Variants in P3H2 observed in about 807,000 individuals in gnomAD.
The protein encoded by P3H2 is prolyl 3-hydroxylase 2, also known as leprecan-like 1.
P3H2 carries 80 observed loss-of-function variants against 87.0 expected under a neutral mutation model. The observed-to-expected ratio is 0.92, with a 90% CI of 0.77 to 1.11. The LOEUF (loss-of-function observed/expected upper bound fraction) is 1.11, where lower values mean the gene tolerates loss of function less well. Ranked by LOEUF, P3H2 falls within the 50% of genes least tolerant of loss-of-function variation. The probability of loss-of-function intolerance (pLI) is 0.00; values close to 1 mark genes in which losing one functional copy is unlikely to be tolerated. For missense variants in P3H2, 1,001 were observed against 923.9 expected (o/e 1.08, Z -1.08); for synonymous variants, 367 against 359.3 (o/e 1.02, Z -0.24).
At position 189,974,170 on chromosome 3, in the gene P3H2, C is replaced by A. The variant is rs1723275021; in HGVS notation, c.1453-166G>T. On this transcript the variant is annotated intron_variant, in intron 9 of 14. Transcript: ENST00000319332. ...CTATTCTTTTAATTAAAAGAGATAT[C>A]TTTATTTAATCTTCATTCTACATTT... 8 of 640,794 alleles carry A rather than the reference C, an allele frequency of 1.2e-5. No homozygotes were observed. In the South Asian group the frequency reaches 1.5e-4, roughly 12 times the overall value. The allele number at this position is 640,794 out of a possible 1,614,324, so 39.7% of individuals were successfully genotyped here. A position where few individuals can be genotyped will look rare whatever the true frequency, so the allele number is the denominator to read the frequency against.
At chr3:190,006,975 T>C (rs929150463) in intron 1 of P3H2, among the ~76,000 whole-genome samples, 3 of 152,194 alleles carry the variant, frequency 2.0e-5, no homozygotes, top group Non-Finnish European at 4.4e-5. Context: ...CTATGCATTA[T>C]CTATATGTGC....
chr3:189,984,608 A>C lies in P3H2; in HGVS notation c.1189-18T>G, dbSNP rs760758403. The C allele has an allele frequency of 1.4e-5, 15 of 1,048,150 alleles. No homozygotes were observed. Among genetic ancestry groups the C allele is most frequent in the Admixed American group, 3.6e-5 (1 of 28,030 alleles). 64.9% of individuals were successfully genotyped at this position (1,048,150 alleles called of 1,614,324 possible). A position where few individuals can be genotyped will look rare whatever the true frequency, so the allele number is the denominator to read the frequency against. ...CAATAATTCTGTTTTGAATCGAGTA[A>C]AAAAAAAAATGCAGTAATTTTGTCA... On this transcript the variant is annotated intron_variant, in intron 6 of 14. Transcript: ENST00000319332.
chr3:190,022,547 T>C (rs1317718484), intron 1 of P3H2, among the ~76,000 whole-genome samples: 1 of 135,048 alleles, frequency 7.4e-6, no homozygotes, highest in Middle Eastern at 3.4e-3. Context: ...TAACATATTA[T>C]CCTCCAAGAA....
At chr3:190,036,543 A>T (rs1163869193) in intron 1 of P3H2, among the ~76,000 whole-genome samples, 6 of 151,860 alleles carry the variant, frequency 4.0e-5, no homozygotes, top group African/African-American at 9.7e-5. Context: ...TCTCCATTTT[A>T]AAAAAAATTA....
At chr3:190,008,271 A>G (rs942946205) in intron 1 of P3H2, among the ~76,000 whole-genome samples, 4 of 152,094 alleles carry the variant, frequency 2.6e-5, no homozygotes, top group Non-Finnish European at 5.9e-5. Context: ...CTTCTTCAGC[A>G]GGGAAATTAA....
chr3:189,980,844 G>A (rs1723511113), intron 8 of P3H2, among the ~76,000 whole-genome samples: 1 of 152,136 alleles, frequency 6.6e-6, no homozygotes, highest in South Asian at 2.1e-4. Context: ...TTAGGGTAGG[G>A]CCCCTAAAAA....
rs1724933117 is a variant in P3H2, at chr3:190,021,784, G to A, written c.481-26342C>T. ...GTGCCAGGCATAATGCTAGGTACTG[G>A]TGATCTGAGTGTTTAAAAAATAAGC... On this transcript the variant is annotated intron_variant, in intron 1 of 14. Coordinates refer to ENST00000319332, the MANE Select transcript of P3H2 (RefSeq NM_018192.4). 1.5e-5 allele frequency among the ~76,000 whole-genome samples: 2 copies of A among 134,356 alleles called. 1 individual carries two copies. The highest frequency in any genetic ancestry group is 3.3e-5 in the Non-Finnish European group (2 of 60,246). The allele number at this position is 134,356 out of a possible 152,430, so 88.1% of individuals were successfully genotyped here. A position where few individuals can be genotyped will look rare whatever the true frequency, so the allele number is the denominator to read the frequency against.
chr3:190,027,624 CTT>C (rs539796963), intron 1 of P3H2, among the ~76,000 whole-genome samples: 62 of 136,714 alleles, frequency 4.5e-4, no homozygotes, highest in Middle Eastern at 3.9e-3. Flanking sequence ...CGGTTTTTAC[CTT>C]TTTTTTTTTT....
rs186562341 is a variant in P3H2, at chr3:189,988,888, C to T, written c.955+19G>A. 516 of 1,613,780 alleles carry T rather than the reference C, an allele frequency of 3.2e-4. 3 individuals carry two copies. In the Admixed American group the frequency reaches 7.5e-3, roughly 23 times the overall value. The stretch of plus-strand genomic sequence containing the variant: ...ACCACAACCCCCCAAGAAGTCTTCA[C>T]GGATGATCCACGCTTTACCTCGATA... On this transcript the variant is annotated intron_variant, in intron 4 of 14. Coordinates refer to ENST00000319332, the MANE Select transcript of P3H2 (RefSeq NM_018192.4).
intron 1 of P3H2, among the ~76,000 whole-genome samples, chr3:190,003,850 C>T (rs1724295940): frequency 6.6e-6 from 1 of 152,106 alleles, no homozygotes. Context: ...TAATGGTTAC[C>T]GAAAAGCAGT....
intron 1 of P3H2, among the ~76,000 whole-genome samples, chr3:190,102,707 A>G (rs1191996864): frequency 6.6e-6 from 1 of 152,252 alleles, no homozygotes; most frequent in Non-Finnish European, 1.5e-5. Flanking sequence ...AGCTTAGTTG[A>G]TAAAGCAGTG....
chr3:190,071,945 T>C (rs962585961), intron 1 of P3H2, among the ~76,000 whole-genome samples: 1 of 147,246 alleles, frequency 6.8e-6, no homozygotes, highest in African/African-American at 2.5e-5. Flanking sequence ...TTTATACTGA[T>C]AATAAAAAAT....
At chr3:190,034,678 G>C (rs933195545) in intron 1 of P3H2, among the ~76,000 whole-genome samples, 8 of 152,216 alleles carry the variant, frequency 5.3e-5, no homozygotes, top group Admixed American at 4.6e-4. Context: ...GGGTGGTGAC[G>C]TAACTGCTCT....
At chr3:190,000,122 T>C (rs1724165512) in intron 1 of P3H2, among the ~76,000 whole-genome samples, 1 of 152,182 alleles carries the variant, frequency 6.6e-6, no homozygotes, top group African/African-American at 2.4e-5. Context: ...AGAAAACAGA[T>C]TTCAGACACT....
rs1274404746 is a variant in P3H2, at chr3:189,972,983, C to CA, written c.1589dup (p.Phe531ValfsTer3). 6.2e-7 allele frequency: 1 copy of CA among 1,613,104 alleles called. No homozygotes were observed. The highest frequency in any genetic ancestry group is 8.5e-7 in the Non-Finnish European group (1 of 1,179,772). ...GAGCCTTTTCGCTGATGTCATAAAACAGACGAGCGCTCTTCAGTGGGACTC... is the reference window on the plus strand; with the variant it reads ...GAGCCTTTTCGCTGATGTCATAAAACAAGACGAGCGCTCTTCAGTGGGACTC... On this transcript the variant is annotated frameshift_variant, in exon 11 of 15. Transcript: ENST00000319332. LOFTEE classifies it high-confidence loss of function.
rs545810582 is a variant in P3H2 at position 189,972,967 on chromosome 3, C to T, written c.1606G>A (p.Glu536Lys). 16 of 1,613,670 alleles carry T rather than the reference C, an allele frequency of 9.9e-6. No individual in the cohort carries two copies. Among genetic ancestry groups the T allele is most frequent in the East Asian group, 6.7e-5 (3 of 44,846 alleles). Residue 536 changes from glutamate (E) to lysine (K), a missense_variant, in exon 11 of 15, where the codon GAA becomes AAA. Transcript: ENST00000319332. ...GATTCTACAATCCTTCGAGCCTTTT[C>T]GCTGATGTCATAAAACAGACGAGCG... ...KSARLFYDIS[E>K]KARRIVESYF... is the part of the protein sequence containing the mutation.
chr3:190,102,017 G>A (rs1178247126), intron 1 of P3H2, among the ~76,000 whole-genome samples: 1 of 152,130 alleles, frequency 6.6e-6, no homozygotes, highest in Non-Finnish European at 1.5e-5. Context: ...AAGACTGGAT[G>A]ACATCATATC....
chr3:189,994,662 T>G (rs1277072982), intron 2 of P3H2, among the ~76,000 whole-genome samples: 1 of 67,200 alleles, frequency 1.5e-5, no homozygotes, highest in African/African-American at 4.0e-5. Context: ...CCTGTGTTTT[T>G]TGTTTTTTTT....
intron 1 of P3H2, among the ~76,000 whole-genome samples, chr3:190,023,030 G>T (rs1313448963): frequency 6.7e-6 from 1 of 150,182 alleles, no homozygotes; most frequent in Non-Finnish European, 1.5e-5. Flanking sequence ...GTTTCACCGT[G>T]TTAGCCAGGA....
Sources: allele counts gnomAD v4.1 joint callset (sites outside exome capture counted in the v4.1 genomes callset), GRCh38; gene constraint gnomAD v4.1.1; transcripts MANE v1.5; gene names NCBI Gene and HGNC (gene_info 2026-07-23, HGNC 2026-07-21).